The following USO1 variants were observed in gnomAD, a reference collection of about 807,000 sequenced individuals.
USO1 encodes USO1 vesicle transport factor.
USO1 carries 57 observed loss-of-function variants against 124.5 expected under a neutral mutation model. The ratio of observed to expected loss-of-function variants is 0.46; its 90% CI spans 0.37 to 0.57. USO1 has a LOEUF of 0.57. Among genes scored for constraint, USO1 ranks in the 20% least tolerant of loss-of-function variants. The probability of loss-of-function intolerance (pLI) is 0.00; values close to 1 mark genes in which losing one functional copy is unlikely to be tolerated. For synonymous variants in USO1, 369 were observed against 362.8 expected, an observed-to-expected ratio of 1.02 and a Z score of -0.19; for missense variants, 900 against 1,040.6, an observed-to-expected ratio of 0.86 and a Z score of 1.86.
rs995451728 is a variant in USO1, at chr4:75,752,570, A to G, written c.184A>G (p.Met62Val). The G allele has an allele frequency of 1.4e-4, 57 of 398,448 alleles. No homozygotes were observed. Among genetic ancestry groups the G allele is most frequent in the Non-Finnish European group, 2.1e-4 (47 of 226,060 alleles). The allele number at this position is 398,448 out of a possible 1,614,324, so 24.7% of individuals were successfully genotyped here. ...KYRLEVGIQA[M>V]EHLIHVLQTD... ...CCGCTTGGAAGTGGGTATACAAGCT[A>G]TGGAACATCTTATTCATGTTTTACA... Residue 62 changes from methionine to valine, a missense_variant, in exon 3 of 24, where the codon ATG (methionine) becomes GTG (valine). Physicochemically the swap from Met to Val is conservative, Grantham distance 21 (BLOSUM62 1). Around this residue, in one of 2 missense-constraint regions of USO1, gnomAD observed 538 missense variants for 681.6 expected, o/e 0.79. Coordinates refer to ENST00000514213, the MANE Select transcript of USO1 (RefSeq NM_003715.4).
chr4:75,791,068 G>A (rs560818690), intron 12 of USO1, among the ~76,000 whole-genome samples: 1 of 152,260 alleles, frequency 6.6e-6, no homozygotes, highest in South Asian at 2.1e-4. Context: ...TGAGTTATGG[G>A]GGATAATAAT....
rs140645407 is a variant in USO1, at chr4:75,780,925, G to A, written c.677-1755G>A. On this transcript the variant is annotated intron_variant, in intron 8 of 23. Transcript: ENST00000514213. The stretch of plus-strand genomic sequence containing the variant: ...GCCTCCCAAAGTGCTGGGATTACAG[G>A]TGTGAGTCACTGCACCCAGCAATTT... 6.1e-3 allele frequency among the ~76,000 whole-genome samples: 934 copies of A among 152,154 alleles called. 5 individuals carry two copies. Among genetic ancestry groups the A allele is most frequent in the South Asian group, 0.014 (67 of 4,820 alleles).
At chr4:75,790,963 A>G (rs752827514) in intron 12 of USO1, among the ~76,000 whole-genome samples, 166 bp downstream of exon 12, 2 of 151,536 alleles carry the variant, frequency 1.3e-5, no homozygotes, top group Non-Finnish European at 2.9e-5. Flanking sequence ...GTAAATTTAG[A>G]CAACAGGCTT....
intron 15 of USO1, 48 bp downstream of exon 15, chr4:75,800,517 G>GATT: frequency 2.1e-6 from 2 of 950,226 alleles, no homozygotes. Flanking sequence ...AGATAATGAT[G>GATT]CTTTTTTTTT....
chr4:75,730,564 A>G (rs1449372032), intron 1 of USO1, among the ~76,000 whole-genome samples: 1 of 151,660 alleles, frequency 6.6e-6, no homozygotes, highest in Non-Finnish European at 1.5e-5. Flanking sequence ...ATTTTCCTTT[A>G]TTTCATTAAA....
intron 4 of USO1, among the ~76,000 whole-genome samples, chr4:75,768,729 A>G (rs770553529): frequency 2.0e-5 from 3 of 152,232 alleles, no homozygotes; most frequent in Admixed American, 6.5e-5. Flanking sequence ...GAAAACATTC[A>G]GTCTTTCACC....
At chr4:75,773,960 A>G (rs1722003647) in intron 7 of USO1, among the ~76,000 whole-genome samples, 1 of 151,990 alleles carries the variant, frequency 6.6e-6, no homozygotes, top group Non-Finnish European at 1.5e-5. Context: ...TCATGCTATT[A>G]TTTAATACTT....
chr4:75,804,079 T>G (rs1423495473), intron 17 of USO1, 55 bp from the exon 18 acceptor site: 1 of 1,573,916 alleles, frequency 6.4e-7, no homozygotes, highest in African/African-American at 1.4e-5. Flanking sequence ...GTGTTCACCT[T>G]CTTAATGCTA....
At chr4:75,771,913 C>A (rs1424342797) in intron 7 of USO1, among the ~76,000 whole-genome samples, 4 of 152,106 alleles carry the variant, frequency 2.6e-5, no homozygotes, top group Non-Finnish European at 5.9e-5. Flanking sequence ...TCATATCAAG[C>A]TAATTAAATC....
intron 10 of USO1, 91 bp from the exon 11 acceptor site, chr4:75,790,047 TAAAAAAAAAAAC>T (rs1245423527): frequency 9.9e-6 from 10 of 1,005,938 alleles, no homozygotes; most frequent in Middle Eastern, 6.2e-4. Flanking sequence ...TAAAGTATAA[TAAAAAAAAAAAC>T]AAAAAAAAAA....
intron 12 of USO1, 112 bp downstream of exon 12, chr4:75,790,909 G>GAA: frequency 6.0e-6 from 7 of 1,174,928 alleles, no homozygotes; most frequent in East Asian, 3.1e-5. Context: ...ATGCTTAGGA[G>GAA]AGAAAAAAAA....
chr4:75,787,434 T>A (rs1722394675), intron 10 of USO1, among the ~76,000 whole-genome samples: 2 of 152,166 alleles, frequency 1.3e-5, no homozygotes, highest in Non-Finnish European at 2.9e-5. Context: ...GCTTTGCAGA[T>A]CCATCTACAA....
chr4:75,736,307 CTTTTTTTTTTTTTTT>C (rs775201813), intron 1 of USO1, among the ~76,000 whole-genome samples: 1 of 63,276 alleles, frequency 1.6e-5, no homozygotes, highest in South Asian at 5.4e-4. Flanking sequence ...TACAGCTTAC[CTTTTTTTTTTTTTTT>C]TTTTTTTTTT....
At chr4:75,786,376 T>C (rs1250969849) in intron 9 of USO1, among the ~76,000 whole-genome samples, 1 of 152,196 alleles carries the variant, frequency 6.6e-6, no homozygotes, top group Non-Finnish European at 1.5e-5. Flanking sequence ...GATCTTGATT[T>C]AGAAGATTTT....
chr4:75,743,605 G>T (rs1386137281), intron 1 of USO1, among the ~76,000 whole-genome samples: 1 of 152,110 alleles, frequency 6.6e-6, no homozygotes, highest in Non-Finnish European at 1.5e-5. Flanking sequence ...TATTTTCCCA[G>T]CGTAGACCAG....
At chr4:75,777,778 T>C (rs1376199114) in intron 8 of USO1, among the ~76,000 whole-genome samples, 1 of 152,192 alleles carries the variant, frequency 6.6e-6, no homozygotes, top group Non-Finnish European at 1.5e-5. Context: ...GAAAACAGTT[T>C]GGTGGTTTCT....
chr4:75,767,652 G>A (rs918516818), intron 4 of USO1: 3 of 284,800 alleles, frequency 1.1e-5, no homozygotes, highest in Non-Finnish European at 2.1e-5. Context: ...GCTGAGGCGA[G>A]CGGATCACGA....
chr4:75,746,366 A>G (rs1721126932), intron 1 of USO1, among the ~76,000 whole-genome samples: 1 of 152,220 alleles, frequency 6.6e-6, no homozygotes, highest in African/African-American at 2.4e-5. Context: ...AAGCACAGAG[A>G]CGTCTAGTAA....
intron 16 of USO1, 67 bp downstream of exon 16, chr4:75,800,866 C>G: frequency 1.3e-6 from 2 of 1,536,054 alleles, no homozygotes. Flanking sequence ...CATGTATATT[C>G]TGGATGCATA....
Sources: gnomAD v4.1 joint callset for allele counts (sites outside exome capture counted in the v4.1 genomes callset) on GRCh38, gnomAD v4.1.1 for gene constraint, gnomAD v4.1.1 regional missense constraint, MANE v1.5 for transcripts, NCBI Gene and HGNC (gene_info 2026-07-23, HGNC 2026-07-21) for gene names.